P2RY14: variants seen among roughly 807,000 people sequenced by gnomAD.
The protein encoded by P2RY14 is P2Y purinoceptor 14.
A neutral mutation model predicts 0.9 loss-of-function variants in P2RY14; 2 were observed. The observed-to-expected ratio is 2.16, with a 90% CI of 0.88 to 6.79. P2RY14 has a LOEUF of 6.79. Ranked by LOEUF, P2RY14 falls within the 30% of genes most tolerant of loss-of-function variation. P2RY14 has a pLI of 0.05. For missense variants in P2RY14, 378 were observed against 400.1 expected, an observed-to-expected ratio of 0.94 and a Z score of 0.47; for synonymous variants, 158 against 147.2, an observed-to-expected ratio of 1.07 and a Z score of -0.53.
chr3:151,244,792 T>A (rs943786468), intron 1 of P2RY14, among the ~76,000 whole-genome samples: 23 of 151,108 alleles, frequency 1.5e-4, no homozygotes, highest in Admixed American at 4.6e-4. Flanking sequence ...GGAAATAGAG[T>A]CACAAAAAAC....
At chr3:151,227,783 A>T (rs1048202178) in intron 1 of P2RY14, among the ~76,000 whole-genome samples, 7 of 152,194 alleles carry the variant, frequency 4.6e-5, no homozygotes, top group African/African-American at 1.4e-4. Context: ...GCCTATAATG[A>T]TTGGAATAGT....
At chr3:151,229,456 G>A (rs1422209885) in intron 1 of P2RY14, among the ~76,000 whole-genome samples, 5 of 144,908 alleles carry the variant, frequency 3.5e-5, no homozygotes, top group African/African-American at 1.3e-4. Flanking sequence ...ACAGGCTCGT[G>A]CCACCATGCC....
rs11453294 is a variant in P2RY14, at chr3:151,253,999, GT to G, written c.-133+24287del. Among the ~76,000 whole-genome samples the G allele has an allele frequency of 1.8e-3, 251 of 136,900 alleles. 3 individuals carry two copies. The highest frequency in any genetic ancestry group is 0.018 in the East Asian group (86 of 4,728). The allele number at this position is 136,900 out of a possible 152,430, so 89.8% of individuals were successfully genotyped here. A position where few individuals can be genotyped will look rare whatever the true frequency, so the allele number is the denominator to read the frequency against. ...CTTCTTTTTGTTTTGATTTTTTCTT[GT>G]TTTTTTTTTTTGTTAATTTAAACTT... On this transcript the variant is annotated intron_variant, in intron 1 of 2. Transcript: ENST00000309170.
chr3:151,214,421 T>C, intron 2 of P2RY14, 81 bp from the exon 3 acceptor site: 1 of 965,740 alleles, frequency 1.0e-6, no homozygotes, highest in Non-Finnish European at 1.5e-6. Context: ...CAAAGGGCAA[T>C]GAATATAGTC....
At chr3:151,243,560 A>G (rs1734704001) in intron 1 of P2RY14, among the ~76,000 whole-genome samples, 1 of 152,204 alleles carries the variant, frequency 6.6e-6, no homozygotes, top group African/African-American at 2.4e-5. Flanking sequence ...ACAGACAAGC[A>G]AATACTGAGA....
rs201537174 is a variant in P2RY14, at chr3:151,213,765, G to A, written c.552C>T (p.His184=). Residue 184 remains histidine, a synonymous_variant, in exon 3 of 3, where the codon CAC becomes CAT. Transcript: ENST00000309170. ...ELKSELGRKW[H]KASNYIFVAI... Reference sequence around the variant, plus strand: ...CCACGAAGATGTAGTTTGATGCTTTGTGCCACTTCCGTCCCAGTTCACTTT... The same window carrying A: ...CCACGAAGATGTAGTTTGATGCTTTATGCCACTTCCGTCCCAGTTCACTTT... 2 of 1,613,992 alleles carry A rather than the reference G, an allele frequency of 1.2e-6. No homozygotes were observed. Among genetic ancestry groups the A allele is most frequent in the Admixed American group, 1.7e-5 (1 of 60,002 alleles).
At chr3:151,248,714 G>T (rs1736250775) in intron 1 of P2RY14, among the ~76,000 whole-genome samples, 1 of 152,054 alleles carries the variant, frequency 6.6e-6, no homozygotes, top group Non-Finnish European at 1.5e-5. Context: ...TTTATTACTT[G>T]AATTTGGAAA....
chr3:151,257,061 C>A (rs1046720089), intron 1 of P2RY14, among the ~76,000 whole-genome samples: 22 of 151,950 alleles, frequency 1.4e-4, no homozygotes, highest in African/African-American at 5.3e-4. Flanking sequence ...ACAGCTGCTT[C>A]TGAGATACAA....
At chr3:151,246,779 TTAAAC>T (rs1559932796) in intron 1 of P2RY14, among the ~76,000 whole-genome samples, 1 of 152,126 alleles carries the variant, frequency 6.6e-6, no homozygotes, top group Non-Finnish European at 1.5e-5. Flanking sequence ...TGGGATCTAA[TTAAAC>T]TAAAGAGCTT....
chr3:151,244,822 T>C (rs929838940), intron 1 of P2RY14, among the ~76,000 whole-genome samples: 5 of 152,026 alleles, frequency 3.3e-5, no homozygotes, highest in African/African-American at 1.2e-4. Flanking sequence ...AATTAATGAA[T>C]CCAGGAGCTG....
chr3:151,273,939 T>C (rs575571879), intron 1 of P2RY14, among the ~76,000 whole-genome samples: 1 of 152,100 alleles, frequency 6.6e-6, no homozygotes, highest in South Asian at 2.1e-4. Flanking sequence ...TAAGACAGAG[T>C]CTTTTCTTTT....
At chr3:151,272,514 C>T (rs1288062959) in intron 1 of P2RY14, among the ~76,000 whole-genome samples, 2 of 152,164 alleles carry the variant, frequency 1.3e-5, no homozygotes, top group Admixed American at 1.3e-4. Flanking sequence ...CATTTTCTAA[C>T]TTATAAATTA....
chr3:151,246,374 T>G (rs1425616172), intron 1 of P2RY14, among the ~76,000 whole-genome samples: 1 of 151,892 alleles, frequency 6.6e-6, no homozygotes, highest in African/African-American at 2.4e-5. Context: ...CAAACTATAC[T>G]ACAAGGCTAC....
intron 1 of P2RY14, among the ~76,000 whole-genome samples, chr3:151,241,538 C>A (rs547038258): frequency 1.3e-5 from 2 of 152,054 alleles, no homozygotes; most frequent in African/African-American, 4.8e-5. Flanking sequence ...TGGAGAGATG[C>A]AAATGCTAGT....
At chr3:151,275,511 A>T (rs963355805) in intron 1 of P2RY14, among the ~76,000 whole-genome samples, 2 of 152,228 alleles carry the variant, frequency 1.3e-5, no homozygotes, top group African/African-American at 4.8e-5. Flanking sequence ...AAGGAATCTA[A>T]TCAGATCTAA....
In P2RY14 at chr3:151,212,495, A is replaced by G. The variant is rs1236012674; in HGVS notation, c.*805T>C. 6.6e-6 allele frequency: 1 copy of G among 152,074 alleles called. No individual in the cohort carries two copies. The highest frequency in any genetic ancestry group is 1.5e-5 in the Non-Finnish European group (1 of 67,994). The allele number at this position is 152,074 out of a possible 1,614,324, so 9.4% of individuals were successfully genotyped here. On this transcript the variant is annotated 3_prime_UTR_variant, in exon 3 of 3. Coordinates refer to ENST00000309170, the MANE Select transcript of P2RY14 (RefSeq NM_014879.4). Reference sequence around the variant, plus strand: ...GTGTGGGTGTGTCTTTTTCCCAGTCATCTTATTTTTCCCATACTATTGAAC... The same window carrying G: ...GTGTGGGTGTGTCTTTTTCCCAGTCGTCTTATTTTTCCCATACTATTGAAC...
chr3:151,216,515 G>A (rs537822409), intron 2 of P2RY14, among the ~76,000 whole-genome samples: 7 of 152,158 alleles, frequency 4.6e-5, no homozygotes, highest in African/African-American at 7.2e-5. Flanking sequence ...TTGTTTCTGC[G>A]TATTTTCCTT....
chr3:151,232,794 G>T (rs1167241870), intron 1 of P2RY14, among the ~76,000 whole-genome samples: 1 of 152,146 alleles, frequency 6.6e-6, no homozygotes, highest in Non-Finnish European at 1.5e-5. Flanking sequence ...AGGATGGAGG[G>T]TGGGAGGAGG....
intron 1 of P2RY14, among the ~76,000 whole-genome samples, chr3:151,274,166 A>G (rs993270577): frequency 1.9e-4 from 29 of 152,366 alleles, no homozygotes; most frequent in Admixed American, 9.8e-4. Context: ...CAAAAGATTA[A>G]GCAATTAATG....
Sources: gnomAD v4.1 joint callset for allele counts (sites outside exome capture counted in the v4.1 genomes callset) on GRCh38, gnomAD v4.1.1 for gene constraint, MANE v1.5 for transcripts, NCBI Gene and HGNC (gene_info 2026-07-23, HGNC 2026-07-21) for gene names.